The following CR2 variants were observed in gnomAD, a reference collection of about 807,000 sequenced individuals.
CR2 encodes the protein complement receptor type 2.
CR2 carries 96 observed loss-of-function variants against 123.0 expected under a neutral mutation model. That is an observed-to-expected ratio of 0.78 (90% CI 0.66 to 0.93). CR2 has a LOEUF of 0.93. Ranked by LOEUF, CR2 falls within the 40% of genes least tolerant of loss-of-function variation. CR2 has a pLI of 0.00. For missense variants in CR2, 1,258 were observed against 1,361.0 expected (o/e 0.92, Z 1.19); for synonymous variants, 484 against 469.5 (o/e 1.03, Z -0.40).
At position 207,474,940 on chromosome 1, in the gene CR2, C is replaced by T; in HGVS notation, c.2440C>T (p.Leu814=). 2 of 1,614,058 alleles carry T rather than the reference C, an allele frequency of 1.2e-6. No homozygotes were observed. Among genetic ancestry groups the T allele is most frequent in the Non-Finnish European group, 1.7e-6 (2 of 1,179,974 alleles). The change falls in exon 14 of 20, where the codon CTG becomes TTG. Residue 814 remains leucine, a synonymous_variant. Transcript: ENST00000367057. ...TGAATGTGACCAAGGATTCTATCTCCTGGGAGAGAAAAAATTGCAGTGCAG... is the reference window on the plus strand; with the variant it reads ...TGAATGTGACCAAGGATTCTATCTCTTGGGAGAGAAAAAATTGCAGTGCAG... ...SYECDQGFYL[L]GEKKLQCRSD...
chr1:207,487,117 C>CA (rs1658771389), intron 19 of CR2, among the ~76,000 whole-genome samples: 1 of 152,118 alleles, frequency 6.6e-6, no homozygotes, highest in Admixed American at 6.5e-5. Context: ...AGTGAGAAGG[C>CA]ACCCACTAAG....
Position 207,471,018 on chromosome 1 carries a change from G to A in CR2, c.1424G>A (p.Gly475Glu). The change falls in exon 8 of 20, where the codon GGA becomes GAA. Residue 475 changes from glycine (G) to glutamate (E), a missense_variant. By Grantham distance (98) the Gly-to-Glu change is moderately conservative. Coordinates refer to ENST00000367057, the MANE Select transcript of CR2 (RefSeq NM_001006658.3). ...QCKVAACEAT[G>E]RQLLTKPQHQ... ...TTAGTGGCAGCGTGTGAAGCTACAG[G>A]AAGGCAACTCTTGACAAAACCCCAG... 2.5e-6 allele frequency: 4 copies of A among 1,613,826 alleles called. No homozygotes were observed. The highest frequency in any genetic ancestry group is 3.4e-6 in the Non-Finnish European group (4 of 1,179,836).
intron 1 of CR2, among the ~76,000 whole-genome samples, chr1:207,458,033 A>T (rs1461864547): frequency 7.8e-6 from 1 of 127,458 alleles, no homozygotes; most frequent in Non-Finnish European, 1.6e-5. Context: ...AATGATTCTG[A>T]ACACAATTCC....
intron 17 of CR2, 122 bp from the exon 18 acceptor site, chr1:207,479,856 A>G (rs1658554981): frequency 8.0e-6 from 6 of 749,102 alleles, no homozygotes; most frequent in Middle Eastern, 2.3e-4. Context: ...TTTATGTCCA[A>G]GAAGAGTTAA....
At position 207,470,983 on chromosome 1, in the gene CR2, G is replaced by A. The variant is rs761376121; in HGVS notation, c.1403-14G>A. ...TGCCTTGAATTAAATTCTCATCCTA[G>A]TCTCTTTTCTTAGTGGCAGCGTGTG... On this transcript the variant is annotated splice_polypyrimidine_tract_variant and intron_variant, in intron 7 of 19. Coordinates refer to ENST00000367057, the MANE Select transcript of CR2 (RefSeq NM_001006658.3). 2.2e-5 allele frequency: 35 copies of A among 1,613,680 alleles called. No homozygotes were observed. Among genetic ancestry groups the A allele is most frequent in the Non-Finnish European group, 2.5e-5 (30 of 1,179,840 alleles).
Position 207,474,252 on chromosome 1 carries a change from C to T in CR2, c.2252C>T (p.Thr751Ile), listed in dbSNP as rs943572066. The T allele has an allele frequency of 5.6e-6, 9 of 1,612,304 alleles. No individual in the cohort carries two copies. The highest frequency in any genetic ancestry group is 4.0e-5 in the African/African-American group (3 of 74,846). Residue 751 changes from threonine to isoleucine, a missense_variant, in exon 13 of 20, where the codon ACT becomes ATT. Physicochemically the swap from Thr to Ile is moderately conservative, Grantham distance 89. Coordinates refer to ENST00000367057, the MANE Select transcript of CR2 (RefSeq NM_001006658.3). ...CTGTCTCTCTGTAGGTACCAGTTGA[C>T]TGGACATGCTTATCAGATGTGTCAA... ...NTSCQDGYQL[T>I]GHAYQMCQDA...
At chr1:207,478,873 A>G (rs1658521418) in intron 16 of CR2, among the ~76,000 whole-genome samples, 1 of 151,370 alleles carries the variant, frequency 6.6e-6, no homozygotes, top group Non-Finnish European at 1.5e-5. Context: ...GGACTCCCCC[A>G]ATCTACTTAG....
chr1:207,475,312 T>TC lies in CR2; in HGVS notation c.2716+97dup, dbSNP rs1452757039. On this transcript the variant is annotated intron_variant, in intron 14 of 19. Transcript: ENST00000367057. Reference sequence around the variant, plus strand: ...TTGACATTCTGCCTAAAGAAAAGCATCTAAGAGCTAAGGCAGTTATATTGT... The same window carrying TC: ...TTGACATTCTGCCTAAAGAAAAGCATCCTAAGAGCTAAGGCAGTTATATTGT... 4 of 1,345,308 alleles carry TC rather than the reference T, an allele frequency of 3.0e-6. No individual in the cohort carries two copies. The African/African-American group carries it at 5.9e-5, about 20-fold the overall frequency. The allele number at this position is 1,345,308 out of a possible 1,614,324, so 83.3% of individuals were successfully genotyped here. A position where few individuals can be genotyped will look rare whatever the true frequency, so the allele number is the denominator to read the frequency against.
rs138315610 is a variant in CR2 at position 207,471,970 on chromosome 1, C to G, written c.1570+471C>G. 625 of 228,552 alleles carry G rather than the reference C, an allele frequency of 2.7e-3. 3 individuals carry two copies. The highest frequency in any genetic ancestry group is 0.013 in the African/African-American group (586 of 43,748). 14.2% of individuals were successfully genotyped at this position (228,552 alleles called of 1,614,324 possible). A position where few individuals can be genotyped will look rare whatever the true frequency, so the allele number is the denominator to read the frequency against. ...GAATGTAAATAAAAAGTAAAAAGGACCAGGCACAGTGGCTCACGCCTATAA... is the reference window on the plus strand; with the variant it reads ...GAATGTAAATAAAAAGTAAAAAGGAGCAGGCACAGTGGCTCACGCCTATAA... On this transcript the variant is annotated intron_variant, in intron 9 of 19. Transcript: ENST00000367057.
intron 1 of CR2, among the ~76,000 whole-genome samples, chr1:207,458,465 A>G (rs139593110): frequency 2.0e-5 from 3 of 152,162 alleles, no homozygotes; most frequent in African/African-American, 4.8e-5. Context: ...AAAGCCCTTC[A>G]TGATCCCTCC....
At chr1:207,485,826 T>C (rs1658732890) in intron 19 of CR2, among the ~76,000 whole-genome samples, 2 of 152,140 alleles carry the variant, frequency 1.3e-5, no homozygotes, top group Admixed American at 1.3e-4. Context: ...AATAAGATGA[T>C]AAGCATTATA....
chr1:207,474,297 G>T lies in CR2; in HGVS notation c.2297G>T (p.Trp766Leu), dbSNP rs398122863. The T allele has an allele frequency of 6.2e-7, 1 of 1,613,002 alleles. No homozygotes were observed. The highest frequency in any genetic ancestry group is 8.5e-7 in the Non-Finnish European group (1 of 1,179,218). ...QMCQDAENGI[W>L]FKKIPLCKVI... ...TGTCAAGATGCTGAAAATGGAATTT[G>T]GTTCAAAAAGATTCCACTTTGTAAA... The change falls in exon 13 of 20, where the codon TGG (tryptophan) becomes TTG (leucine). Residue 766 changes from tryptophan to leucine, a missense_variant. By Grantham distance (61) the Trp-to-Leu change is moderately conservative. Transcript: ENST00000367057.
At chr1:207,481,856 A>G (rs1658611615) in intron 18 of CR2, among the ~76,000 whole-genome samples, 2 of 152,000 alleles carry the variant, frequency 1.3e-5, no homozygotes, top group African/African-American at 4.8e-5. Flanking sequence ...TACAGTCATT[A>G]ATTCTAATAG....
intron 1 of CR2, among the ~76,000 whole-genome samples, chr1:207,455,170 T>C (rs1657803155): frequency 6.6e-6 from 1 of 152,268 alleles, no homozygotes; most frequent in African/African-American, 2.4e-5. Context: ...TTGGCTTGAT[T>C]TTAAAGAAAG....
chr1:207,485,702 A>T (rs1229020143), intron 19 of CR2, 130 bp downstream of exon 19: 1 of 656,356 alleles, frequency 1.5e-6, no homozygotes, highest in African/African-American at 1.8e-5. Flanking sequence ...GTAATCATGC[A>T]TAGCAATTGT....
chr1:207,467,190 G>C (rs1452334453), intron 2 of CR2, among the ~76,000 whole-genome samples: 1 of 152,182 alleles, frequency 6.6e-6, no homozygotes, highest in Non-Finnish European at 1.5e-5. Context: ...GATGGGGTCA[G>C]AGTTTGTTGG....
chr1:207,480,343 G>A (rs898122305), intron 18 of CR2, among the ~76,000 whole-genome samples: 1 of 152,056 alleles, frequency 6.6e-6, no homozygotes, highest in African/African-American at 2.4e-5. Context: ...TGGTGTATTC[G>A]TATCTGATCT....
intron 14 of CR2, 101 bp downstream of exon 14, chr1:207,475,317 G>T: frequency 7.8e-7 from 1 of 1,277,036 alleles, no homozygotes; most frequent in Non-Finnish European, 1.1e-6. Context: ...AAGCATCTAA[G>T]AGCTAAGGCA....
chr1:207,477,593 G>T lies in CR2; in HGVS notation c.2903-292G>T, dbSNP rs7549152. Among the ~76,000 whole-genome samples, 13,986 of 152,070 alleles carry T rather than the reference G, an allele frequency of 0.092. 690 individuals carry two copies. The highest frequency in any genetic ancestry group is 0.11 in the African/African-American group (4,498 of 41,462). On this transcript the variant is annotated intron_variant, in intron 15 of 19. Transcript: ENST00000367057. ...GAATACTTCATAATATTACCAATTC[G>T]GCCCTCACCATTTCTCCAAGAAGCC...
Sources: gnomAD v4.1 joint callset for allele counts (sites outside exome capture counted in the v4.1 genomes callset) on GRCh38, gnomAD v4.1.1 for gene constraint, MANE v1.5 for transcripts, NCBI Gene and HGNC (gene_info 2026-07-23, HGNC 2026-07-21) for gene names.